PSPC1: variants seen among roughly 807,000 people sequenced by gnomAD.
The protein encoded by PSPC1 is paraspeckle component 1.
PSPC1 carries 14 observed loss-of-function variants against 51.6 expected under a neutral mutation model. The observed-to-expected ratio is 0.27, with a 90% CI of 0.18 to 0.42. PSPC1 has a LOEUF of 0.42. PSPC1 is among the 10% of genes least tolerant of loss of function. The pLI, the probability that PSPC1 is intolerant of heterozygous loss-of-function variation, is 1.00. For missense variants in PSPC1, 406 were observed against 701.1 expected, an observed-to-expected ratio of 0.58 and a Z score of 4.75; for synonymous variants, 193 against 231.9, an observed-to-expected ratio of 0.83 and a Z score of 1.53.
At chr13:19,681,757 G>T (rs892251532) in intron 6 of PSPC1, among the ~76,000 whole-genome samples, 1 of 152,142 alleles carries the variant, frequency 6.6e-6, no homozygotes, top group African/African-American at 2.4e-5. Context: ...ATCTTATACC[G>T]AGGAGTGTTT....
At chr13:19,725,875 A>G (rs572483553) in intron 6 of PSPC1, among the ~76,000 whole-genome samples, 1 of 152,326 alleles carries the variant, frequency 6.6e-6, no homozygotes, top group East Asian at 1.9e-4. Flanking sequence ...AAAGATGGAT[A>G]TATAACCATA....
At chr13:19,687,668 T>TCCCCTACATTAAGTTAACCA (rs142473484) in intron 6 of PSPC1, among the ~76,000 whole-genome samples, 1 of 151,748 alleles carries the variant, frequency 6.6e-6, no homozygotes. Context: ...TCCACATAAA[T>TCCCCTACATTAAGTTAACCA]CCCAGTCGTG....
At chr13:19,775,313 C>T (rs1889005368) in intron 1 of PSPC1, among the ~76,000 whole-genome samples, 3 of 151,760 alleles carry the variant, frequency 2.0e-5, no homozygotes. Context: ...GACAGTGCCA[C>T]TACACTCACG....
intron 2 of PSPC1, among the ~76,000 whole-genome samples, chr13:19,771,008 C>T (rs1285769493): frequency 6.6e-6 from 1 of 152,112 alleles, no homozygotes; most frequent in East Asian, 1.9e-4. Flanking sequence ...GGTCTCACTG[C>T]AACTTTGACC....
intron 2 of PSPC1, among the ~76,000 whole-genome samples, chr13:19,768,225 C>T (rs372739223): frequency 6.7e-5 from 10 of 149,626 alleles, no homozygotes; most frequent in African/African-American, 2.5e-4. Context: ...ACCGTGTCCC[C>T]CCCCAAAAAA....
chr13:19,758,710 C>A (rs1887325380), intron 3 of PSPC1, among the ~76,000 whole-genome samples: 1 of 151,848 alleles, frequency 6.6e-6, no homozygotes, highest in Non-Finnish European at 1.5e-5. Context: ...TGGCGCACAC[C>A]TGTAATCCCA....
chr13:19,715,729 T>TA (rs869051190), intron 6 of PSPC1, among the ~76,000 whole-genome samples: 1 of 151,988 alleles, frequency 6.6e-6, no homozygotes, highest in Admixed American at 6.6e-5. Context: ...CACTGTCTCT[T>TA]AAAAAAAATT....
chr13:19,721,885 A>G (rs995769590), intron 6 of PSPC1, among the ~76,000 whole-genome samples: 12 of 152,230 alleles, frequency 7.9e-5, no homozygotes, highest in African/African-American at 2.9e-4. Context: ...GAAGTCTATA[A>G]AAATGTATCA....
chr13:19,741,584 G>A lies in PSPC1; in HGVS notation c.1033C>T (p.Arg345Trp). 3 of 1,598,082 alleles carry A rather than the reference G, an allele frequency of 1.9e-6. No homozygotes were observed. The highest frequency in any genetic ancestry group is 2.6e-6 in the Non-Finnish European group (3 of 1,168,724). ...EELRNQELQK[R>W]KQIQLRHEEE... The stretch of plus-strand genomic sequence containing the variant: ...TTTTACCTTAGTTGTATTTGCTTCC[G>A]TTTTTGCAACTCTTGGTTTCTGAGT... The change falls in exon 5 of 9, where the codon CGG (arginine) becomes TGG (tryptophan). Residue 345 changes from arginine (R) to tryptophan (W), a missense_variant. By Grantham distance (101) the Arg-to-Trp change is moderately radical (BLOSUM62 -3). Around this residue, in one of 5 missense-constraint regions of PSPC1, gnomAD observed 180 missense variants for 337.9 expected, o/e 0.53. Transcript: ENST00000338910.
chr13:19,691,463 C>T (rs1274730975), intron 6 of PSPC1, among the ~76,000 whole-genome samples: 3 of 152,028 alleles, frequency 2.0e-5, no homozygotes, highest in Non-Finnish European at 2.9e-5. Flanking sequence ...TTTGAGGCTG[C>T]GGTGAGCTAT....
intron 4 of PSPC1, among the ~76,000 whole-genome samples, chr13:19,744,474 C>A (rs191520575): frequency 1.1e-3 from 164 of 152,320 alleles, no homozygotes; most frequent in Non-Finnish European, 1.3e-3. Flanking sequence ...TGATATTTCA[C>A]TAAAGCTTAT....
At chr13:19,754,762 T>C (rs1425856509) in intron 3 of PSPC1, among the ~76,000 whole-genome samples, 1 of 152,048 alleles carries the variant, frequency 6.6e-6, no homozygotes, top group Non-Finnish European at 1.5e-5. Context: ...TAAGTTTTGC[T>C]GATATCATTA....
At chr13:19,765,185 G>A (rs1209976132) in intron 2 of PSPC1, among the ~76,000 whole-genome samples, 2 of 151,686 alleles carry the variant, frequency 1.3e-5, no homozygotes, top group African/African-American at 2.4e-5. Context: ...TTAGCTGGGT[G>A]TGGTGGTGCG....
At chr13:19,672,168 G>C (rs1369394955), downstream of PSPC1, 1 of 311,286 alleles carries the variant, frequency 3.2e-6, no homozygotes, top group Non-Finnish European at 6.0e-6. Context: ...TCTGGAGACG[G>C]AGTTTCGCTC....
intron 1 of PSPC1, among the ~76,000 whole-genome samples, chr13:19,781,097 G>A (rs1170629830): frequency 6.7e-6 from 1 of 149,234 alleles, no homozygotes; most frequent in Non-Finnish European, 1.5e-5. Flanking sequence ...CAGGAACTGA[G>A]ATCGCGCCAC....
chr13:19,737,477 C>G (rs1425806336), intron 5 of PSPC1, among the ~76,000 whole-genome samples: 1 of 152,120 alleles, frequency 6.6e-6, no homozygotes, highest in East Asian at 1.9e-4. Context: ...AAGAATATCA[C>G]AGAAATAATG....
At chr13:19,750,275 C>CA (rs1470127827) in intron 4 of PSPC1, among the ~76,000 whole-genome samples, 1 of 151,672 alleles carries the variant, frequency 6.6e-6, no homozygotes, top group East Asian at 1.9e-4. Flanking sequence ...AAGGTAAATA[C>CA]AAAAAAACTA....
intron 1 of PSPC1, among the ~76,000 whole-genome samples, chr13:19,781,934 G>A (rs1890016017): frequency 6.6e-6 from 1 of 152,206 alleles, no homozygotes; most frequent in African/African-American, 2.4e-5. Flanking sequence ...TCCGACTTAA[G>A]CTTCCTTTCC....
intron 1 of PSPC1, among the ~76,000 whole-genome samples, chr13:19,773,587 T>G (rs1248017009): frequency 6.6e-6 from 1 of 152,020 alleles, no homozygotes; most frequent in Non-Finnish European, 1.5e-5. Flanking sequence ...GCCAGACAAA[T>G]CACCTTTTCT....
Sources: allele counts gnomAD v4.1 joint callset (sites outside exome capture counted in the v4.1 genomes callset), GRCh38; gene constraint gnomAD v4.1.1; regional missense constraint gnomAD v4.1.1; transcripts MANE v1.5; gene names NCBI Gene and HGNC (gene_info 2026-07-23, HGNC 2026-07-21).